The following SLC39A11 variants were observed in gnomAD, a reference collection of about 807,000 sequenced individuals.
The protein encoded by SLC39A11 is zinc transporter ZIP11.
Under a neutral mutation model 36.1 loss-of-function variants are expected in SLC39A11, and 33 were observed. The observed-to-expected ratio is 0.91, with a 90% CI of 0.69 to 1.22. The LOEUF is 1.22. SLC39A11 is among the 50% of genes most tolerant of loss of function. The pLI, the probability that SLC39A11 is intolerant of heterozygous loss-of-function variation, is 0.00. For synonymous variants in SLC39A11, 166 were observed against 170.3 expected (o/e 0.97, Z 0.20); for missense variants, 432 against 430.3 (o/e 1.00, Z -0.03).
intron 5 of SLC39A11, among the ~76,000 whole-genome samples, chr17:72,923,940 T>C (rs1443084111): frequency 6.6e-6 from 1 of 150,462 alleles, no homozygotes; most frequent in Non-Finnish European, 1.5e-5. Context: ...AGCCCAGGAG[T>C]TCAAGACCAG....
At chr17:72,665,402 T>TGTTTG (rs1555631677) in intron 7 of SLC39A11, among the ~76,000 whole-genome samples, 2 of 139,566 alleles carry the variant, frequency 1.4e-5, no homozygotes, top group East Asian at 2.0e-4. Context: ...TTTTTTTTTT[T>TGTTTG]TTTTTTTTGA....
At chr17:73,004,743 C>A (rs189603781) in intron 4 of SLC39A11, among the ~76,000 whole-genome samples, 11 of 152,328 alleles carry the variant, frequency 7.2e-5, no homozygotes, top group African/African-American at 2.4e-4. Context: ...AACAATCTCT[C>A]TGAGAAAAAG....
chr17:72,870,955 C>T (rs2146369580), intron 5 of SLC39A11, among the ~76,000 whole-genome samples: 1 of 152,046 alleles, frequency 6.6e-6, no homozygotes, highest in Middle Eastern at 3.4e-3. Flanking sequence ...TGTACATTTC[C>T]TAAGTGATAG....
At chr17:72,770,800 G>A (rs571525437) in intron 6 of SLC39A11, among the ~76,000 whole-genome samples, 1 of 152,172 alleles carries the variant, frequency 6.6e-6, no homozygotes, top group Admixed American at 6.5e-5. Context: ...AAACACCTTC[G>A]AATTTGTCAG....
chr17:72,895,717 T>G (rs1227131511), intron 5 of SLC39A11, among the ~76,000 whole-genome samples: 4 of 152,070 alleles, frequency 2.6e-5, no homozygotes, highest in Non-Finnish European at 5.9e-5. Flanking sequence ...CCATAGTGAG[T>G]TCTCTATTTT....
At chr17:73,027,680 T>C (rs1358523421) in intron 4 of SLC39A11, among the ~76,000 whole-genome samples, 1 of 152,128 alleles carries the variant, frequency 6.6e-6, no homozygotes. Flanking sequence ...AAGAACACAG[T>C]CATGTGTTAA....
chr17:72,801,232 T>C (rs1411261909), intron 6 of SLC39A11, among the ~76,000 whole-genome samples: 1 of 152,180 alleles, frequency 6.6e-6, no homozygotes, highest in Non-Finnish European at 1.5e-5. Flanking sequence ...TTCCTTTTCT[T>C]TTGTTTGAGA....
In SLC39A11 at chr17:72,744,191, C is replaced by T. The variant is rs375070594; in HGVS notation, c.602-7472G>A. Among the ~76,000 whole-genome samples, 9 of 152,304 alleles carry T rather than the reference C, an allele frequency of 5.9e-5. No individual in the cohort carries two copies. The South Asian group carries it at 6.2e-4, about 11-fold the overall frequency. The stretch of plus-strand genomic sequence containing the variant: ...CAAAAATGAAAGGGGGATAACACTG[C>T]TTTGCTTACAGGATGGCTGTGTTCA... On this transcript the variant is annotated intron_variant, in intron 6 of 9. Coordinates refer to ENST00000255559, the MANE Select transcript of SLC39A11 (RefSeq NM_139177.4).
intron 5 of SLC39A11, among the ~76,000 whole-genome samples, chr17:72,919,476 A>G (rs2083515229): frequency 6.6e-6 from 1 of 151,932 alleles, no homozygotes; most frequent in Non-Finnish European, 1.5e-5. Flanking sequence ...TGAGAAATTG[A>G]TCTGCTTCCC....
intron 7 of SLC39A11, among the ~76,000 whole-genome samples, chr17:72,668,300 A>G (rs1170531757): frequency 1.3e-5 from 2 of 151,720 alleles, no homozygotes; most frequent in East Asian, 3.9e-4. Flanking sequence ...GTAACTATAA[A>G]GCAAAAAAAA....
chr17:72,894,390 C>T (rs1250721807), intron 5 of SLC39A11, among the ~76,000 whole-genome samples: 9 of 126,914 alleles, frequency 7.1e-5, no homozygotes, highest in Non-Finnish European at 1.5e-4. Flanking sequence ...AAAAAAAAGG[C>T]CAGGGACGGT....
intron 6 of SLC39A11, among the ~76,000 whole-genome samples, chr17:72,742,116 T>A (rs1189594059): frequency 6.6e-6 from 1 of 151,920 alleles, no homozygotes; most frequent in African/African-American, 2.4e-5. Flanking sequence ...GGCTGGAGAA[T>A]CGCTTGAACC....
At chr17:72,741,060 C>T (rs2074675155) in intron 6 of SLC39A11, among the ~76,000 whole-genome samples, 1 of 152,176 alleles carries the variant, frequency 6.6e-6, no homozygotes, top group East Asian at 1.9e-4. Context: ...AAGCATGAGC[C>T]ACTGCGCCCC....
chr17:72,884,358 G>C (rs1054395141), intron 5 of SLC39A11, among the ~76,000 whole-genome samples: 2 of 152,204 alleles, frequency 1.3e-5, no homozygotes, highest in Non-Finnish European at 2.9e-5. Context: ...AATCCTCAGA[G>C]CGTTCATCCC....
At chr17:72,844,236 G>A (rs184761526) in intron 6 of SLC39A11, among the ~76,000 whole-genome samples, 3 of 152,300 alleles carry the variant, frequency 2.0e-5, no homozygotes, top group Admixed American at 1.3e-4. Context: ...GACAGTGATG[G>A]TGAGGGAGTT....
chr17:72,952,159 C>T (rs1313798151), intron 4 of SLC39A11, among the ~76,000 whole-genome samples: 1 of 152,166 alleles, frequency 6.6e-6, no homozygotes, highest in Admixed American at 6.6e-5. Flanking sequence ...AAAGTATCTC[C>T]GGAGTAATGC....
chr17:72,899,832 G>A (rs1402383517), intron 5 of SLC39A11, among the ~76,000 whole-genome samples: 1 of 151,910 alleles, frequency 6.6e-6, no homozygotes, highest in Non-Finnish European at 1.5e-5. Context: ...CGTGGGGGCA[G>A]GTGCCTGTAA....
intron 3 of SLC39A11, among the ~76,000 whole-genome samples, chr17:73,037,168 T>C (rs1474133108): frequency 6.6e-6 from 1 of 152,238 alleles, no homozygotes; most frequent in Non-Finnish European, 1.5e-5. Flanking sequence ...TTGTCGATTA[T>C]GAATAAAGTG....
chr17:72,888,855 T>C (rs1046919574), intron 5 of SLC39A11, among the ~76,000 whole-genome samples: 3 of 151,798 alleles, frequency 2.0e-5, no homozygotes, highest in African/African-American at 7.3e-5. Flanking sequence ...TGAGCTATGA[T>C]TGTGGCCCTA....
Sources: gnomAD v4.1 joint callset for allele counts (sites outside exome capture counted in the v4.1 genomes callset) on GRCh38, gnomAD v4.1.1 for gene constraint, MANE v1.5 for transcripts, NCBI Gene and HGNC (gene_info 2026-07-23, HGNC 2026-07-21) for gene names.